The following RILPL1 variants were observed in gnomAD, a reference collection of about 807,000 sequenced individuals.
The protein encoded by RILPL1 is RILP-like protein 1.
Under a neutral mutation model 50.3 loss-of-function variants are expected in RILPL1, and 33 were observed. That is an observed-to-expected ratio of 0.66 (90% confidence interval 0.50 to 0.88). The LOEUF is 0.88. RILPL1 is among the 40% of genes least tolerant of loss of function. The probability of loss-of-function intolerance (pLI) is 0.00; values close to 1 mark genes in which losing one functional copy is unlikely to be tolerated. For missense variants in RILPL1, 418 were observed against 542.5 expected (o/e 0.77, Z 2.28); for synonymous variants, 205 against 228.6 (o/e 0.90, Z 0.93).
intron 2 of RILPL1, among the ~76,000 whole-genome samples, chr12:123,521,765 A>G (rs1408152896): frequency 6.9e-6 from 1 of 143,890 alleles, no homozygotes; most frequent in African/African-American, 2.6e-5. Context: ...ATACACACAT[A>G]TATGTGTATA....
Position 123,470,156 on chromosome 12 carries a change from C to G in RILPL1, c.*2382G>C, listed in dbSNP as rs1419191440. The G allele has an allele frequency of 6.6e-6, 1 of 152,072 alleles. No individual in the cohort carries two copies. Among genetic ancestry groups the G allele is most frequent in the Non-Finnish European group, 1.5e-5 (1 of 68,026 alleles). The allele number at this position is 152,072 out of a possible 1,614,324, so 9.4% of individuals were successfully genotyped here. ...CCGATTATCTAGCCTCTGATGTGCT[C>G]AAGAGCTGGATCTGCTGACTTATCA... On this transcript the variant is annotated 3_prime_UTR_variant, in exon 7 of 7. Transcript: ENST00000376874.
intron 2 of RILPL1, among the ~76,000 whole-genome samples, chr12:123,513,193 G>A (rs1345529768): frequency 3.3e-5 from 5 of 150,970 alleles, no homozygotes; most frequent in African/African-American, 9.9e-5. Flanking sequence ...GGGTGTATGT[G>A]TGTGTCTGTG....
At chr12:123,492,110 C>T (rs1466932647) in intron 4 of RILPL1, among the ~76,000 whole-genome samples, 2 of 151,836 alleles carry the variant, frequency 1.3e-5, no homozygotes, top group East Asian at 3.9e-4. Flanking sequence ...CCTGTCTCTA[C>T]TAAAAATACA....
intron 1 of RILPL1, among the ~76,000 whole-genome samples, chr12:123,526,122 A>G (rs1885246818): frequency 6.6e-6 from 1 of 152,030 alleles, no homozygotes; most frequent in Non-Finnish European, 1.5e-5. Context: ...CCTGGCCAGC[A>G]TGGCAAAACC....
intron 2 of RILPL1, among the ~76,000 whole-genome samples, chr12:123,503,186 CTTTTTTTTTTTTTTTTTT>C (rs373514624): frequency 5.0e-5 from 4 of 80,742 alleles, no homozygotes; most frequent in Admixed American, 1.4e-4. Flanking sequence ...CACGCCTGGC[CTTTTTTTTTTTTTTTTTT>C]TTTTTTTTTT....
chr12:123,525,128 T>C (rs888507994), intron 1 of RILPL1, among the ~76,000 whole-genome samples: 6 of 151,914 alleles, frequency 3.9e-5, no homozygotes, highest in African/African-American at 1.5e-4. Flanking sequence ...TGAGACTCTG[T>C]CTTGGAAAAA....
At chr12:123,527,109 T>C (rs908326568) in intron 1 of RILPL1, among the ~76,000 whole-genome samples, 18 of 152,278 alleles carry the variant, frequency 1.2e-4, no homozygotes, top group African/African-American at 4.1e-4. Flanking sequence ...GGTGGGAGCA[T>C]TGATTTAGGC....
At chr12:123,493,064 C>G (rs1056008473) in intron 4 of RILPL1, among the ~76,000 whole-genome samples, 2 of 152,130 alleles carry the variant, frequency 1.3e-5, no homozygotes, top group Non-Finnish European at 2.9e-5. Context: ...AAGAGGAAGG[C>G]ATGCCTCTTG....
intron 2 of RILPL1, among the ~76,000 whole-genome samples, chr12:123,511,106 CTGTGTGTGTGGTGTGTGAGGTCTATG>C (rs1884130302): frequency 1.8e-5 from 1 of 55,116 alleles, no homozygotes; most frequent in Non-Finnish European, 3.3e-5. Context: ...TGTGTTAGGT[CTGTGTGTGTGGTGTGTGAGGTCTATG>C]TGTGTGTGTG....
At chr12:123,518,855 G>A (rs540475901) in intron 2 of RILPL1, among the ~76,000 whole-genome samples, 4 of 151,892 alleles carry the variant, frequency 2.6e-5, no homozygotes, top group Non-Finnish European at 5.9e-5. Context: ...TCAGGAGATC[G>A]AGACCATACT....
At position 123,472,444 on chromosome 12, in the gene RILPL1, G is replaced by A. The variant is rs554637256; in HGVS notation, c.*94C>T. On this transcript the variant is annotated 3_prime_UTR_variant, in exon 7 of 7. Coordinates refer to ENST00000376874, the MANE Select transcript of RILPL1 (RefSeq NM_178314.5). ...TCAGTTTTCAGGGTGCATCTGCACC[G>A]AGAGGCTTGAGGCAGCAATGACCCC... 7.2e-5 allele frequency: 101 copies of A among 1,399,618 alleles called. No individual in the cohort carries two copies. Among genetic ancestry groups the A allele is most frequent in the Admixed American group, 9.1e-5 (4 of 44,080 alleles). The allele number at this position is 1,399,618 out of a possible 1,614,324, so 86.7% of individuals were successfully genotyped here.
At chr12:123,511,292 GTC>G in intron 2 of RILPL1, among the ~76,000 whole-genome samples, 1 of 117,396 alleles carries the variant, frequency 8.5e-6, no homozygotes, top group African/African-American at 5.0e-5. Flanking sequence ...GTGAGTGTAT[GTC>G]TGTGCGGTGG....
At chr12:123,484,859 T>C (rs993972283) in intron 5 of RILPL1, 2 of 255,582 alleles carry the variant, frequency 7.8e-6, no homozygotes, top group African/African-American at 4.4e-5. Flanking sequence ...GGGGTCCCAC[T>C]ATGTTGCCCA....
rs548031996 is a variant in RILPL1 at position 123,489,347 on chromosome 12, C to T, written c.802-3542G>A. On this transcript the variant is annotated intron_variant, in intron 4 of 6. Coordinates refer to ENST00000376874, the MANE Select transcript of RILPL1 (RefSeq NM_178314.5). This position sits in a 1 kb window ranked among gnomAD's most constrained non-coding sequence, Gnocchi z 4.0. ...GACCAGCCTGGACAACATGGTGAAA[C>T]GCTATCTCTACTGAAAATACAAAAA... Among the ~76,000 whole-genome samples, 3 of 151,838 alleles carry T rather than the reference C, an allele frequency of 2.0e-5. No homozygotes were observed. The highest frequency in any genetic ancestry group is 1.9e-4 in the East Asian group (1 of 5,170).
rs1260929962 is a variant in RILPL1 at position 123,485,259 on chromosome 12, T to C, written c.974+374A>G. 1.1e-5 allele frequency: 5 copies of C among 462,444 alleles called. No individual in the cohort carries two copies. Among genetic ancestry groups the C allele is most frequent in the African/African-American group, 2.0e-5 (1 of 50,358 alleles). The allele number at this position is 462,444 out of a possible 1,614,324, so 28.6% of individuals were successfully genotyped here. ...GCAAGCATGAGAGTGAACAGGATAA[T>C]GTAGGAGGTGAAAAGGGCCACATAG... On this transcript the variant is annotated intron_variant, in intron 5 of 6. Coordinates refer to ENST00000376874, the MANE Select transcript of RILPL1 (RefSeq NM_178314.5). The surrounding 1 kb of genome is among the most constrained non-coding windows in gnomAD (Gnocchi z 4.0).
intron 2 of RILPL1, chr12:123,519,977 G>A (rs960135562): frequency 3.3e-5 from 5 of 152,296 alleles, no homozygotes; most frequent in South Asian, 2.1e-4. Context: ...ACAGGGAAGC[G>A]GCTCAGAGCC....
At chr12:123,532,533 C>CTA (rs1283848577) in intron 1 of RILPL1, among the ~76,000 whole-genome samples, 10 of 152,008 alleles carry the variant, frequency 6.6e-5, no homozygotes, top group African/African-American at 2.4e-4. Context: ...TGAAGATAGT[C>CTA]TCTATAGAGT....
At chr12:123,479,058 G>T (rs548654220) in intron 6 of RILPL1, among the ~76,000 whole-genome samples, 1 of 152,232 alleles carries the variant, frequency 6.6e-6, no homozygotes, top group Admixed American at 6.5e-5. Context: ...ATGATGCACT[G>T]TGCAGACAAG....
At chr12:123,486,913 C>T (rs951783466) in intron 4 of RILPL1, among the ~76,000 whole-genome samples, 3 of 152,154 alleles carry the variant, frequency 2.0e-5, no homozygotes, top group Non-Finnish European at 2.9e-5. Context: ...ATCCTCCTGC[C>T]TCAGCCTCCT....
Sources: gnomAD v4.1 joint callset for allele counts (sites outside exome capture counted in the v4.1 genomes callset) on GRCh38, gnomAD v4.1.1 for gene constraint, Gnocchi (gnomAD v3.1) non-coding constraint, MANE v1.5 for transcripts, NCBI Gene and HGNC (gene_info 2026-07-23, HGNC 2026-07-21) for gene names.